ERBB4: variants seen among roughly 807,000 people sequenced by gnomAD.
The protein encoded by ERBB4 is erb-b2 receptor tyrosine kinase 4.
ERBB4 carries 42 observed loss-of-function variants against 158.0 expected under a neutral mutation model. The observed-to-expected ratio is 0.27, with a 90% CI of 0.21 to 0.34. The LOEUF is 0.34. ERBB4 is among the 10% of genes least tolerant of loss of function. The pLI, the probability that ERBB4 is intolerant of heterozygous loss-of-function variation, is 1.00. For synonymous variants in ERBB4, 583 were observed against 558.7 expected (o/e 1.04, Z -0.61); for missense variants, 1,333 against 1,624.1 (o/e 0.82, Z 3.08).
At chr2:211,717,948 G>A (rs370246391) in intron 7 of ERBB4, among the ~76,000 whole-genome samples, 2 of 152,046 alleles carry the variant, frequency 1.3e-5, no homozygotes, top group African/African-American at 4.8e-5. Flanking sequence ...TGCTCTTTTT[G>A]CCCAGGCTGG....
intron 3 of ERBB4, among the ~76,000 whole-genome samples, chr2:211,885,887 T>C (rs1235438595): frequency 4.6e-5 from 7 of 152,190 alleles, no homozygotes; most frequent in Non-Finnish European, 1.0e-4. Flanking sequence ...CTATATGAAA[T>C]ATAACTCTCA....
chr2:211,942,734 A>G (rs1229170526), intron 3 of ERBB4, among the ~76,000 whole-genome samples: 1 of 152,186 alleles, frequency 6.6e-6, no homozygotes, highest in Admixed American at 6.5e-5. Flanking sequence ...AAACATATGA[A>G]TATGTTGGTC....
intron 4 of ERBB4, among the ~76,000 whole-genome samples, chr2:211,759,958 G>A (rs1169950869): frequency 6.6e-6 from 1 of 152,004 alleles, no homozygotes; most frequent in Non-Finnish European, 1.5e-5. Flanking sequence ...TTCTTTGGTA[G>A]ATTTACCTTC....
intron 1 of ERBB4, among the ~76,000 whole-genome samples, chr2:212,516,542 G>C (rs1286983759): frequency 1.3e-5 from 2 of 151,916 alleles, no homozygotes; most frequent in Admixed American, 6.6e-5. Context: ...GATCATATAA[G>C]AGCTCTTCCA....
At chr2:212,469,577 C>G (rs1428581645) in intron 1 of ERBB4, among the ~76,000 whole-genome samples, 1 of 152,056 alleles carries the variant, frequency 6.6e-6, no homozygotes, top group African/African-American at 2.4e-5. Context: ...ATGCTTAGCA[C>G]CATAAAAAGC....
intron 3 of ERBB4, among the ~76,000 whole-genome samples, chr2:211,858,250 G>C (rs1302376911): frequency 6.6e-6 from 1 of 152,136 alleles, no homozygotes; most frequent in Non-Finnish European, 1.5e-5. Context: ...AGATGACTTG[G>C]CTGATGCACA....
At chr2:212,312,863 AT>A (rs1457417240) in intron 1 of ERBB4, among the ~76,000 whole-genome samples, 1 of 150,988 alleles carries the variant, frequency 6.6e-6, no homozygotes, top group Non-Finnish European at 1.5e-5. Flanking sequence ...AGGAAAAAAA[AT>A]AAAATCATTT....
chr2:212,479,673 C>T (rs1189191600), intron 1 of ERBB4, among the ~76,000 whole-genome samples: 2 of 152,106 alleles, frequency 1.3e-5, no homozygotes, highest in East Asian at 1.9e-4. Flanking sequence ...TCACAATCAC[C>T]GTAATTCTGC....
intron 20 of ERBB4, 103 bp from the exon 21 acceptor site, chr2:211,431,203 T>C: frequency 9.9e-7 from 1 of 1,007,650 alleles, no homozygotes; most frequent in Non-Finnish European, 1.5e-6. Context: ...GCCTAATTTT[T>C]TAAGTGAAGC....
chr2:211,953,465 C>CAAAAA (rs36024345), intron 2 of ERBB4, among the ~76,000 whole-genome samples: 29 of 85,530 alleles, frequency 3.4e-4, no homozygotes, highest in African/African-American at 8.0e-4. Context: ...GGTTTTTCTC[C>CAAAAA]AAAAAAAAAA....
intron 3 of ERBB4, among the ~76,000 whole-genome samples, chr2:211,913,621 G>A (rs200239936): frequency 0.13 from 8,192 of 61,804 alleles, 284 homozygotes; most frequent in Non-Finnish European, 0.23. Flanking sequence ...ATATATATAT[G>A]TGTGTGTGTG....
At chr2:212,458,578 G>A (rs1688418511) in intron 1 of ERBB4, among the ~76,000 whole-genome samples, 1 of 151,974 alleles carries the variant, frequency 6.6e-6, no homozygotes, top group African/African-American at 2.4e-5. Flanking sequence ...TTGATTCTCT[G>A]GGCAGTGAAA....
intron 20 of ERBB4, among the ~76,000 whole-genome samples, chr2:211,454,126 C>A (rs923398316): frequency 6.6e-6 from 1 of 152,134 alleles, no homozygotes; most frequent in African/African-American, 2.4e-5. Context: ...TACATTCTAT[C>A]AGTTTTTTCT....
intron 15 of ERBB4, among the ~76,000 whole-genome samples, chr2:211,664,327 A>ATGTGTGTGTGTGTGTGTG (rs113835907): frequency 3.4e-5 from 5 of 148,846 alleles, no homozygotes; most frequent in African/African-American, 1.2e-4. Flanking sequence ...TCAACTACAA[A>ATGTGTGTGTGTGTGTGTG]TGTGTGTGTG....
In ERBB4 at chr2:212,436,120, T is replaced by C. The variant is rs561475874; in HGVS notation, c.82+102329A>G. ...TATATAACATAGAGAAAACGAGAAA[T>C]TGATGAATAAATGAGTACATGTAAT... On this transcript the variant is annotated intron_variant, in intron 1 of 27. Coordinates refer to ENST00000342788, the MANE Select transcript of ERBB4 (RefSeq NM_005235.3). 2.8e-4 allele frequency among the ~76,000 whole-genome samples: 43 copies of C among 151,808 alleles called. 2 individuals carry two copies. The highest frequency in any genetic ancestry group is 8.4e-4 in the African/African-American group (35 of 41,466).
At chr2:212,434,625 A>T (rs538074816) in intron 1 of ERBB4, among the ~76,000 whole-genome samples, 1 of 152,064 alleles carries the variant, frequency 6.6e-6, no homozygotes, top group East Asian at 1.9e-4. Context: ...CGTTCATCTT[A>T]GTAAACTTCA....
intron 1 of ERBB4, among the ~76,000 whole-genome samples, chr2:212,169,828 A>T (rs2081460178): frequency 6.6e-6 from 1 of 152,026 alleles, no homozygotes; most frequent in Non-Finnish European, 1.5e-5. Flanking sequence ...GCTCTCTCTC[A>T]CCTGCTGCCA....
At chr2:212,022,149 TG>T (rs2076667009) in intron 2 of ERBB4, among the ~76,000 whole-genome samples, 1 of 128,712 alleles carries the variant, frequency 7.8e-6, no homozygotes, top group Non-Finnish European at 1.8e-5. Flanking sequence ...AAATACCATT[TG>T]ACTCAGCATG....
At chr2:212,220,061 G>A (rs1286418589) in intron 1 of ERBB4, among the ~76,000 whole-genome samples, 3 of 151,120 alleles carry the variant, frequency 2.0e-5, no homozygotes, top group East Asian at 1.9e-4. Flanking sequence ...GTACCTTAAG[G>A]ATGAAGAAAA....
Sources: gnomAD v4.1 joint callset for allele counts (sites outside exome capture counted in the v4.1 genomes callset) on GRCh38, gnomAD v4.1.1 for gene constraint, MANE v1.5 for transcripts, NCBI Gene and HGNC (gene_info 2026-07-23, HGNC 2026-07-21) for gene names.